Variants in PHKB observed in about 807,000 individuals in gnomAD.
PHKB encodes phosphorylase kinase regulatory subunit beta.
Under a neutral mutation model 152.1 loss-of-function variants are expected in PHKB, and 122 were observed. The observed-to-expected ratio is 0.80, with a 90% CI of 0.69 to 0.93. The LOEUF is 0.93. Among genes scored for constraint, PHKB ranks in the 40% least tolerant of loss-of-function variants. The pLI is 0.00. For missense variants in PHKB, 1,304 were observed against 1,328.4 expected (o/e 0.98, Z 0.29); for synonymous variants, 436 against 464.9 (o/e 0.94, Z 0.80).
At chr16:47,475,062 A>G (rs1165444871) in intron 1 of PHKB, among the ~76,000 whole-genome samples, 4 of 152,028 alleles carry the variant, frequency 2.6e-5, no homozygotes, top group Non-Finnish European at 5.9e-5. Flanking sequence ...AGGACAGCTT[A>G]TTGTTAACTT....
chr16:47,550,373 T>A (rs577436890), intron 7 of PHKB, among the ~76,000 whole-genome samples: 1 of 152,358 alleles, frequency 6.6e-6, no homozygotes, highest in South Asian at 2.1e-4. Flanking sequence ...CTTTACTGTT[T>A]AGTGCAGTAT....
rs527766491 is a variant in PHKB, at chr16:47,534,036, G to A, written c.595-13397G>A. Among the ~76,000 whole-genome samples the A allele has an allele frequency of 8.2e-4, 125 of 152,358 alleles. 1 individual carries two copies. The highest frequency in any genetic ancestry group is 2.9e-3 in the African/African-American group (119 of 41,580). On this transcript the variant is annotated intron_variant, in intron 6 of 30. Coordinates refer to ENST00000323584, the MANE Select transcript of PHKB (RefSeq NM_000293.3). Reference sequence around the variant, plus strand: ...GAGTACAGAGATACCCTGGTCTTCAGCTGTGGCTTGGGCGGCTGCAGTGGC... The same window carrying A: ...GAGTACAGAGATACCCTGGTCTTCAACTGTGGCTTGGGCGGCTGCAGTGGC...
At chr16:47,656,529 G>A (rs750509636) in intron 20 of PHKB, among the ~76,000 whole-genome samples, 18 of 152,106 alleles carry the variant, frequency 1.2e-4, no homozygotes, top group Non-Finnish European at 1.9e-4. Context: ...AAAAATTGTG[G>A]TAAAACATGC....
intron 13 of PHKB, among the ~76,000 whole-genome samples, chr16:47,610,521 A>G (rs1238744648): frequency 2.0e-5 from 3 of 152,000 alleles, no homozygotes; most frequent in African/African-American, 7.3e-5. Context: ...TATTTGACCC[A>G]TTAGTTATTT....
chr16:47,628,911 A>G (rs1972764237), intron 14 of PHKB, among the ~76,000 whole-genome samples: 1 of 152,086 alleles, frequency 6.6e-6, no homozygotes, highest in South Asian at 2.1e-4. Flanking sequence ...TGAGAAAAAC[A>G]AGCAATGGGG....
chr16:47,555,248 A>G (rs966848518), intron 7 of PHKB, among the ~76,000 whole-genome samples: 1 of 152,202 alleles, frequency 6.6e-6, no homozygotes, highest in Non-Finnish European at 1.5e-5. Context: ...TCTTTGCCAT[A>G]CTGAACAATT....
chr16:47,641,544 C>T, intron 15 of PHKB, 55 bp from the exon 16 acceptor site: 2 of 912,772 alleles, frequency 2.2e-6, no homozygotes, highest in East Asian at 4.8e-5. Context: ...TCACTGCTTC[C>T]TAAACTGTAA....
At chr16:47,530,858 A>G (rs1438251834) in intron 6 of PHKB, among the ~76,000 whole-genome samples, 1 of 152,234 alleles carries the variant, frequency 6.6e-6, no homozygotes, top group East Asian at 1.9e-4. Context: ...TTAATAATGT[A>G]AAGATACTGA....
chr16:47,572,197 A>G (rs1373929544), intron 7 of PHKB, among the ~76,000 whole-genome samples: 1 of 152,202 alleles, frequency 6.6e-6, no homozygotes, highest in African/African-American at 2.4e-5. Flanking sequence ...CCCAGATTGC[A>G]GCCCACTCCA....
intron 7 of PHKB, among the ~76,000 whole-genome samples, chr16:47,556,177 A>T (rs1056289012): frequency 6.6e-6 from 1 of 152,300 alleles, no homozygotes; most frequent in East Asian, 1.9e-4. Context: ...GGCTGAGACA[A>T]TGGAGTTTTC....
At chr16:47,667,259 T>C (rs1206645735) in intron 25 of PHKB, among the ~76,000 whole-genome samples, 1 of 151,528 alleles carries the variant, frequency 6.6e-6, no homozygotes, top group African/African-American at 2.4e-5. Context: ...AGCAAGACCC[T>C]ATCTCTGCAA....
intron 14 of PHKB, among the ~76,000 whole-genome samples, chr16:47,634,887 T>A (rs1467959884): frequency 6.6e-6 from 1 of 151,754 alleles, no homozygotes; most frequent in African/African-American, 2.4e-5. Flanking sequence ...TACTGGAGAG[T>A]TTTAGGCAGG....
At chr16:47,481,352 T>C (rs918664753) in intron 1 of PHKB, among the ~76,000 whole-genome samples, 1 of 152,220 alleles carries the variant, frequency 6.6e-6, no homozygotes, top group Non-Finnish European at 1.5e-5. Context: ...CTCTTCCCTC[T>C]GGCATGGTTA....
chr16:47,522,620 G>T, intron 6 of PHKB, among the ~76,000 whole-genome samples: 1 of 149,302 alleles, frequency 6.7e-6, no homozygotes. Flanking sequence ...AGTTTCTTGT[G>T]CTAAAAGATT....
At chr16:47,622,676 T>C (rs1368538606) in intron 14 of PHKB, among the ~76,000 whole-genome samples, 1 of 152,196 alleles carries the variant, frequency 6.6e-6, no homozygotes, top group Non-Finnish European at 1.5e-5. Context: ...TTAAAATGGA[T>C]TGATCTACTT....
rs78200191 is a variant in PHKB at position 47,566,217 on chromosome 16, C to T, written c.711-14078C>T. ...ATCACAATACCAATCTGAATCATAACGATCTCGATACTTGTCTCCAAAGCT... is the reference window on the plus strand; with the variant it reads ...ATCACAATACCAATCTGAATCATAATGATCTCGATACTTGTCTCCAAAGCT... On this transcript the variant is annotated intron_variant, in intron 7 of 30. Transcript: ENST00000323584. 4,586 of 757,748 alleles carry T rather than the reference C, an allele frequency of 6.1e-3. 142 individuals are homozygous for T. The African/African-American group carries it at 0.069, about 11-fold the overall frequency. The allele number at this position is 757,748 out of a possible 1,614,324, so 46.9% of individuals were successfully genotyped here.
intron 14 of PHKB, among the ~76,000 whole-genome samples, chr16:47,639,281 GAAAC>G (rs373812642): frequency 6.6e-6 from 1 of 152,070 alleles, no homozygotes; most frequent in Non-Finnish European, 1.5e-5. Flanking sequence ...AAACCTGTCT[GAAAC>G]AAACAAACAA....
chr16:47,475,003 T>G (rs1969844566), intron 1 of PHKB, among the ~76,000 whole-genome samples: 1 of 152,216 alleles, frequency 6.6e-6, no homozygotes, highest in African/African-American at 2.4e-5. Flanking sequence ...GTATTACAGG[T>G]GTGTGCCACT....
At chr16:47,667,777 A>G (rs1331807882) in intron 25 of PHKB, among the ~76,000 whole-genome samples, 3 of 152,240 alleles carry the variant, frequency 2.0e-5, no homozygotes, top group Non-Finnish European at 2.9e-5. Flanking sequence ...CAAGGTCATC[A>G]GCACCTGACA....
Sources: gnomAD v4.1 joint callset for allele counts (sites outside exome capture counted in the v4.1 genomes callset) on GRCh38, gnomAD v4.1.1 for gene constraint, MANE v1.5 for transcripts, NCBI Gene and HGNC (gene_info 2026-07-23, HGNC 2026-07-21) for gene names.